FAM81A: variants seen among roughly 807,000 people sequenced by gnomAD.
FAM81A encodes the protein protein FAM81A.
A neutral mutation model predicts 46.7 loss-of-function variants in FAM81A; 19 were observed. That is an observed-to-expected ratio of 0.41 (90% confidence interval 0.28 to 0.60). The LOEUF (loss-of-function observed/expected upper bound fraction) is 0.60. FAM81A is among the 20% of genes least tolerant of loss of function. The probability of loss-of-function intolerance (pLI) is 0.34; values close to 1 mark genes in which losing one functional copy is unlikely to be tolerated. For synonymous variants in FAM81A, 183 were observed against 152.9 expected (o/e 1.20, Z -1.45); for missense variants, 377 against 453.5 (o/e 0.83, Z 1.53).
intron 2 of FAM81A, among the ~76,000 whole-genome samples, chr15:59,411,677 A>T (rs1229413965): frequency 6.6e-6 from 1 of 152,196 alleles, no homozygotes; most frequent in African/African-American, 2.4e-5. Flanking sequence ...GCACTTTGGG[A>T]GGCCGAGATG....
intron 3 of FAM81A, among the ~76,000 whole-genome samples, chr15:59,482,302 C>T (rs2081862834): frequency 6.6e-6 from 1 of 152,072 alleles, no homozygotes; most frequent in African/African-American, 2.4e-5. Flanking sequence ...GGGTTTTGCT[C>T]TTGTCATCCA....
At chr15:59,520,645 C>T (rs998386413) in intron 8 of FAM81A, among the ~76,000 whole-genome samples, 7 of 150,548 alleles carry the variant, frequency 4.6e-5, no homozygotes, top group Admixed American at 4.0e-4. Context: ...CTCACTGCAA[C>T]GTCCGCTTCC....
intron 1 of FAM81A, chr15:59,444,350 G>A (rs934694513): frequency 2.6e-5 from 4 of 152,194 alleles, no homozygotes; most frequent in Non-Finnish European, 5.9e-5. Flanking sequence ...TAGTAAAACC[G>A]TGGATAATTT....
chr15:59,422,785 A>G (rs1406957589), intron 2 of FAM81A, among the ~76,000 whole-genome samples: 1 of 152,148 alleles, frequency 6.6e-6, no homozygotes, highest in Admixed American at 6.6e-5. Flanking sequence ...ACCTCTATCT[A>G]GTTTCAAAGC....
intron 1 of FAM81A, chr15:59,446,660 T>A (rs917053320): frequency 1.3e-5 from 2 of 152,224 alleles, no homozygotes; most frequent in Non-Finnish European, 2.9e-5. Flanking sequence ...TGAAAATATC[T>A]GCTCTGGGAC....
chr15:59,428,410 TTGA>T (rs2081204283), intron 2 of FAM81A, among the ~76,000 whole-genome samples: 3 of 116,376 alleles, frequency 2.6e-5, no homozygotes, highest in Admixed American at 1.0e-4. Flanking sequence ...AGAATTCTTT[TTGA>T]TATTATTATT....
intron 3 of FAM81A, among the ~76,000 whole-genome samples, chr15:59,462,302 C>A (rs562947002): frequency 5.9e-5 from 9 of 151,956 alleles, no homozygotes; most frequent in South Asian, 4.2e-4. Context: ...TTCTCTACCC[C>A]CTCAGCAATA....
At chr15:59,483,006 A>G in intron 3 of FAM81A, among the ~76,000 whole-genome samples, 1 of 152,034 alleles carries the variant, frequency 6.6e-6, no homozygotes, top group East Asian at 1.9e-4. Flanking sequence ...TACAGAAATA[A>G]TAGATAGGTC....
At chr15:59,456,203 G>A (rs2081481506) in intron 1 of FAM81A, among the ~76,000 whole-genome samples, 1 of 152,146 alleles carries the variant, frequency 6.6e-6, no homozygotes, top group African/African-American at 2.4e-5. Flanking sequence ...GGGGTGGGAA[G>A]GGCATTTCCC....
chr15:59,440,128 T>A (rs2081281831), intron 1 of FAM81A: 1 of 152,194 alleles, frequency 6.6e-6, no homozygotes, highest in Non-Finnish European at 1.5e-5. Context: ...CGGAAGGTAG[T>A]GCTATCTGCT....
intron 2 of FAM81A, 116 bp from the exon 3 acceptor site, chr15:59,459,817 C>T: frequency 1.4e-6 from 2 of 1,381,550 alleles, no homozygotes; most frequent in Non-Finnish European, 1.9e-6. Flanking sequence ...GCCTCAAACC[C>T]TATTTAGCTT....
At chr15:59,509,049 G>A in intron 6 of FAM81A, 80 bp downstream of exon 6, 1 of 1,107,150 alleles carries the variant, frequency 9.0e-7, no homozygotes, top group Non-Finnish European at 1.3e-6. Flanking sequence ...TTTCCTCTTG[G>A]TTTTTATTTA....
At chr15:59,458,794 G>A (rs1350448381) in intron 2 of FAM81A, 148 bp downstream of exon 2, 1 of 733,922 alleles carries the variant, frequency 1.4e-6, no homozygotes, top group African/African-American at 1.8e-5. Flanking sequence ...CAATTTATAG[G>A]ATACTGTGGA....
chr15:59,442,742 T>C (rs1439742812), intron 1 of FAM81A, among the ~76,000 whole-genome samples: 1 of 152,228 alleles, frequency 6.6e-6, no homozygotes, highest in East Asian at 1.9e-4. Context: ...TTGTTTTACC[T>C]TTCTCGCTCT....
chr15:59,448,583 G>A (rs1163102454), intron 1 of FAM81A, among the ~76,000 whole-genome samples: 3 of 150,900 alleles, frequency 2.0e-5, no homozygotes, highest in Non-Finnish European at 3.0e-5. Context: ...ATCCACCTTG[G>A]TGGGTTTTTT....
intron 4 of FAM81A, among the ~76,000 whole-genome samples, chr15:59,504,013 T>G (rs2082123833): frequency 6.6e-6 from 1 of 152,252 alleles, no homozygotes; most frequent in African/African-American, 2.4e-5. Flanking sequence ...AAACACAGTC[T>G]GTCCCTCAAA....
At chr15:59,500,517 G>A (rs777125238) in intron 4 of FAM81A, among the ~76,000 whole-genome samples, 1 of 151,900 alleles carries the variant, frequency 6.6e-6, no homozygotes, top group East Asian at 1.9e-4. Context: ...GCCCAGGCTG[G>A]TCTCAAAGTC....
chr15:59,451,075 T>A (rs1449292024), intron 1 of FAM81A, among the ~76,000 whole-genome samples: 1 of 152,214 alleles, frequency 6.6e-6, no homozygotes, highest in Non-Finnish European at 1.5e-5. Flanking sequence ...CATGTTTTGA[T>A]CATCATGTTT....
chr15:59,518,207 A>G (rs184413215), intron 8 of FAM81A, among the ~76,000 whole-genome samples: 135 of 150,266 alleles, frequency 9.0e-4, no homozygotes, highest in African/African-American at 2.8e-3. Flanking sequence ...TGAACCCCCA[A>G]CCTCAAATGA....
Sources: gnomAD v4.1 joint callset for allele counts (sites outside exome capture counted in the v4.1 genomes callset) on GRCh38, gnomAD v4.1.1 for gene constraint, MANE v1.5 for transcripts, NCBI Gene and HGNC (gene_info 2026-07-23, HGNC 2026-07-21) for gene names.